Variants in RARB observed in about 807,000 individuals in gnomAD.
RARB encodes HBV-activated protein.
In RARB, 17 loss-of-function variants were observed where a neutral mutation model predicts 51.9. The observed-to-expected ratio is 0.33, with a 90% CI of 0.22 to 0.49. The LOEUF (loss-of-function observed/expected upper bound fraction) is 0.49. Among genes scored for constraint, RARB ranks in the 20% least tolerant of loss-of-function variants. RARB has a pLI of 0.99. For synonymous variants in RARB, 215 were observed against 195.4 expected (o/e 1.10, Z -0.84); for missense variants, 369 against 550.8 (o/e 0.67, Z 3.30).
At chr3:25,339,947 A>C (rs377422222) in intron 5 of RARB, among the ~76,000 whole-genome samples, 98 of 152,318 alleles carry the variant, frequency 6.4e-4, no homozygotes, top group Middle Eastern at 3.4e-3. Flanking sequence ...AAAATAAGTA[A>C]GAGGCCTACT....
chr3:24,849,438 C>G (rs1433422950), intron 1 of RARB, among the ~76,000 whole-genome samples: 1 of 152,216 alleles, frequency 6.6e-6, no homozygotes, highest in African/African-American at 2.4e-5. Flanking sequence ...TACTTATGTT[C>G]TATAAAGTCA....
intron 1 of RARB, among the ~76,000 whole-genome samples, chr3:25,434,688 T>C (rs1424511062): frequency 5.9e-5 from 9 of 151,966 alleles, no homozygotes; most frequent in African/African-American, 2.2e-4. Context: ...ACTACAGGCG[T>C]GTGCCACCAC....
At chr3:25,050,366 A>T (rs953403278) in intron 2 of RARB, among the ~76,000 whole-genome samples, 1 of 152,186 alleles carries the variant, frequency 6.6e-6, no homozygotes, top group East Asian at 1.9e-4. Flanking sequence ...TTACCCAAGG[A>T]TCAATCCCAA....
chr3:25,209,927 A>T (rs1701649367), intron 5 of RARB, among the ~76,000 whole-genome samples: 1 of 152,162 alleles, frequency 6.6e-6, no homozygotes, highest in Non-Finnish European at 1.5e-5. Context: ...TTGGATTTCA[A>T]AGTTATAAAA....
intron 3 of RARB, among the ~76,000 whole-genome samples, chr3:25,543,688 C>A (rs1202529347): frequency 1.3e-5 from 2 of 152,056 alleles, no homozygotes; most frequent in Non-Finnish European, 2.9e-5. Flanking sequence ...ATAGATTGAC[C>A]AGAGGGATGG....
intron 2 of RARB, among the ~76,000 whole-genome samples, chr3:24,877,069 A>G (rs548365133): frequency 3.3e-5 from 5 of 152,108 alleles, no homozygotes; most frequent in Admixed American, 2.0e-4. Context: ...ATTTTCTCTA[A>G]TTTTTATTAG....
At chr3:24,890,978 T>C (rs1703366973) in intron 2 of RARB, among the ~76,000 whole-genome samples, 1 of 152,170 alleles carries the variant, frequency 6.6e-6, no homozygotes, top group South Asian at 2.1e-4. Context: ...TAGACACCCA[T>C]TAGCAGCCTA....
At chr3:25,320,376 C>T (rs1704537984) in intron 5 of RARB, among the ~76,000 whole-genome samples, 1 of 152,158 alleles carries the variant, frequency 6.6e-6, no homozygotes, top group African/African-American at 2.4e-5. Context: ...ACACCAGCTT[C>T]AGATTGAAAC....
At chr3:24,995,421 A>G (rs1697000561) in intron 2 of RARB, among the ~76,000 whole-genome samples, 1 of 152,010 alleles carries the variant, frequency 6.6e-6, no homozygotes, top group African/African-American at 2.4e-5. Context: ...AAAGAATACT[A>G]ATTTGGCTTC....
intron 1 of RARB, among the ~76,000 whole-genome samples, chr3:25,460,168 G>C (rs897030440): frequency 3.3e-5 from 5 of 152,188 alleles, no homozygotes; most frequent in African/African-American, 1.2e-4. Flanking sequence ...TGTACATTTA[G>C]TCATCTGGGG....
chr3:25,510,692 A>G (rs754324752), intron 3 of RARB, among the ~76,000 whole-genome samples: 2 of 152,234 alleles, frequency 1.3e-5, no homozygotes, highest in Non-Finnish European at 2.9e-5. Context: ...GTATTTCCCT[A>G]AGTGTAAACT....
chr3:25,280,712 G>A (rs1374862469), intron 5 of RARB, among the ~76,000 whole-genome samples: 1 of 152,134 alleles, frequency 6.6e-6, no homozygotes. Context: ...AGTTAATGGA[G>A]TTTTGTTTTA....
At chr3:25,440,013 G>T (rs1035166966) in intron 1 of RARB, among the ~76,000 whole-genome samples, 55 of 152,036 alleles carry the variant, frequency 3.6e-4, no homozygotes, top group Non-Finnish European at 1.6e-4. Flanking sequence ...TTTTGTTTTG[G>T]TTTTTTTCTA....
chr3:25,448,883 C>G (rs997046665), intron 1 of RARB, among the ~76,000 whole-genome samples: 3 of 152,058 alleles, frequency 2.0e-5, no homozygotes, highest in Non-Finnish European at 4.4e-5. Flanking sequence ...TCCTCTCACC[C>G]CCCTCCACCC....
chr3:24,837,407 G>A (rs1424134076), intron 1 of RARB, among the ~76,000 whole-genome samples: 1 of 152,230 alleles, frequency 6.6e-6, no homozygotes, highest in Non-Finnish European at 1.5e-5. Flanking sequence ...GATGGCTTCT[G>A]TAAATGTGTT....
At chr3:25,525,690 A>T (rs1698615209) in intron 3 of RARB, among the ~76,000 whole-genome samples, 1 of 152,154 alleles carries the variant, frequency 6.6e-6, no homozygotes, top group African/African-American at 2.4e-5. Flanking sequence ...ATTTTACATA[A>T]ATAGAAGGTG....
intron 2 of RARB, among the ~76,000 whole-genome samples, chr3:24,988,046 T>G (rs2125432418): frequency 6.6e-6 from 1 of 152,296 alleles, no homozygotes; most frequent in Non-Finnish European, 1.5e-5. Flanking sequence ...AGAAATTGTC[T>G]TTAGAATGAA....
intron 2 of RARB, among the ~76,000 whole-genome samples, chr3:25,001,107 G>A (rs1402500154): frequency 6.6e-6 from 1 of 152,056 alleles, no homozygotes; most frequent in Admixed American, 6.6e-5. Flanking sequence ...TGAGAAATGT[G>A]TGAGGATGGA....
At position 24,887,461 on chromosome 3, in the gene RARB, G is replaced by T; in HGVS notation, c.-380+28709G>T. On this transcript the variant is annotated intron_variant, in intron 2 of 11. Coordinates refer to the RARB transcript ENST00000383772. ...AATGCTCCTTGAGAGTTACAGTATTGAGTGTACCTTCTTTGAAGCTTTGAT... is the reference window on the plus strand; with the variant it reads ...AATGCTCCTTGAGAGTTACAGTATTTAGTGTACCTTCTTTGAAGCTTTGAT... 1.3e-5 allele frequency among the ~76,000 whole-genome samples: 2 copies of T among 152,198 alleles called. 1 individual carries two copies. Among genetic ancestry groups the T allele is most frequent in the South Asian group, 4.1e-4 (2 of 4,836 alleles).
Sources: gnomAD v4.1 joint callset for allele counts (sites outside exome capture counted in the v4.1 genomes callset) on GRCh38, gnomAD v4.1.1 for gene constraint, MANE v1.5 for transcripts, NCBI Gene and HGNC (gene_info 2026-07-23, HGNC 2026-07-21) for gene names.